Variants in PPARG observed in about 807,000 individuals in gnomAD.
PPARG encodes peroxisome proliferator-activated receptor gamma.
Under a neutral mutation model 39.2 loss-of-function variants are expected in PPARG, and 17 were observed. That is an observed-to-expected ratio of 0.43 (90% CI 0.30 to 0.65). The LOEUF is 0.65. PPARG is among the 30% of genes least tolerant of loss of function. The pLI, the probability that PPARG is intolerant of heterozygous loss-of-function variation, is 0.13. For missense variants in PPARG, 406 were observed against 585.9 expected, an observed-to-expected ratio of 0.69 and a Z score of 3.17; for synonymous variants, 223 against 215.7, an observed-to-expected ratio of 1.03 and a Z score of -0.30.
rs144859735 is a variant in PPARG at position 12,349,601 on chromosome 3, A to T, written c.-8-30103A>T. The stretch of plus-strand genomic sequence containing the variant: ...GTTTTTTGACACATCCGTCTTGTTC[A>T]TCATTGTCTACCTAGCACCTAGCTT... On this transcript the variant is annotated intron_variant, in intron 2 of 7. Transcript: ENST00000651735. 1.2e-4 allele frequency among the ~76,000 whole-genome samples: 18 copies of T among 152,286 alleles called. No individual in the cohort carries two copies. The East Asian group carries it at 3.3e-3, about 28-fold the overall frequency.
rs534706351 is a variant in PPARG, at chr3:12,413,592, T to C, written c.730-3112T>C. Among the ~76,000 whole-genome samples, 16 of 151,982 alleles carry C rather than the reference T, an allele frequency of 1.1e-4. No homozygotes were observed. In the East Asian group the frequency reaches 2.9e-3, roughly 28 times the overall value. ...GTGAGGCAGAGGTGGGTGGATCACCTGAGGCCAGGAGTTCAAGACCAGCCT... is the reference window on the plus strand; with the variant it reads ...GTGAGGCAGAGGTGGGTGGATCACCCGAGGCCAGGAGTTCAAGACCAGCCT... On this transcript the variant is annotated intron_variant, in intron 6 of 7. Coordinates refer to ENST00000651735, the MANE Select transcript of PPARG (RefSeq NM_138711.6).
intron 2 of PPARG, among the ~76,000 whole-genome samples, chr3:12,335,372 C>G (rs1404936783): frequency 6.6e-6 from 1 of 152,128 alleles, no homozygotes; most frequent in Non-Finnish European, 1.5e-5. Flanking sequence ...TCAAATCAAG[C>G]TTTATTTTAC....
intron 1 of PPARG, among the ~76,000 whole-genome samples, chr3:12,296,254 C>CAAA (rs545210244): frequency 0.054 from 2,634 of 48,586 alleles, 250 homozygotes; most frequent in East Asian, 0.37. Flanking sequence ...CACTTTGTCT[C>CAAA]AAAAAAAAAA....
Position 12,388,172 on chromosome 3 carries a change from A to G in PPARG, c.391-4442A>G, listed in dbSNP as rs371649463. 1.4e-4 allele frequency among the ~76,000 whole-genome samples: 21 copies of G among 152,304 alleles called. No individual in the cohort carries two copies. The East Asian group carries it at 3.7e-3, about 27-fold the overall frequency. On this transcript the variant is annotated intron_variant, in intron 4 of 7. Transcript: ENST00000651735. ...CATTCTGTTCATCTGTGAAAAAAAA[A>G]CTTTTTGATATCTGAAGGTCCTCAG...
At chr3:12,351,780 CAT>C (rs2048496397) in intron 2 of PPARG, 4 of 830,848 alleles carry the variant, frequency 4.8e-6, no homozygotes, top group Non-Finnish European at 8.4e-6. Flanking sequence ...TTAATACTAT[CAT>C]GTGTACACTC....
At chr3:12,406,152 A>C in intron 6 of PPARG, 71 bp downstream of exon 6, 1 of 1,408,816 alleles carries the variant, frequency 7.1e-7, no homozygotes. Flanking sequence ...CTTTGAGTAA[A>C]TGGTTTACTG....
intron 2 of PPARG, among the ~76,000 whole-genome samples, chr3:12,347,780 T>C (rs1178268978): frequency 6.6e-6 from 1 of 152,208 alleles, no homozygotes; most frequent in Non-Finnish European, 1.5e-5. Flanking sequence ...ACATGTGATA[T>C]GGATGTGCTG....
At chr3:12,369,465 CTGGGCCACAGAGAGAGACCT>C (rs1303808306) in intron 2 of PPARG, among the ~76,000 whole-genome samples, 1 of 152,048 alleles carries the variant, frequency 6.6e-6, no homozygotes, top group Non-Finnish European at 1.5e-5. Flanking sequence ...GCACGACAGC[CTGGGCCACAGAGAGAGACCT>C]TGTCTCAAAA....
At chr3:12,347,743 A>G (rs905108107) in intron 2 of PPARG, among the ~76,000 whole-genome samples, 3 of 152,160 alleles carry the variant, frequency 2.0e-5, no homozygotes, top group Admixed American at 1.3e-4. Context: ...TCAGTTCGTT[A>G]GGTCTCTAAA....
intron 7 of PPARG, among the ~76,000 whole-genome samples, chr3:12,428,337 G>A (rs758336598): frequency 3.9e-5 from 6 of 152,224 alleles, no homozygotes; most frequent in Non-Finnish European, 7.3e-5. Context: ...GGGGAGTAGG[G>A]AACTAGTAAT....
chr3:12,339,264 T>C (rs1309255769), intron 2 of PPARG, among the ~76,000 whole-genome samples: 7 of 152,152 alleles, frequency 4.6e-5, no homozygotes, highest in Non-Finnish European at 7.4e-5. Flanking sequence ...AGCAAATCTA[T>C]AGAGGCAGAA....
At chr3:12,418,883 C>T (rs1242126061) in intron 7 of PPARG, among the ~76,000 whole-genome samples, 1 of 152,116 alleles carries the variant, frequency 6.6e-6, no homozygotes, top group East Asian at 1.9e-4. Flanking sequence ...AGGGTCAAGT[C>T]GTGATTCACT....
intron 1 of PPARG, among the ~76,000 whole-genome samples, chr3:12,296,254 CAAAAAAAAAA>C (rs545210244): frequency 1.4e-4 from 7 of 48,628 alleles, no homozygotes; most frequent in Admixed American, 5.2e-4. Flanking sequence ...CACTTTGTCT[CAAAAAAAAAA>C]AAAAAAAAAA....
At chr3:12,370,729 G>A (rs1465517124) in intron 2 of PPARG, among the ~76,000 whole-genome samples, 1 of 152,114 alleles carries the variant, frequency 6.6e-6, no homozygotes, top group African/African-American at 2.4e-5. Flanking sequence ...GCTTAACCTA[G>A]CATTGCCTAA....
At chr3:12,371,379 A>C (rs923344923) in intron 2 of PPARG, among the ~76,000 whole-genome samples, 1 of 152,330 alleles carries the variant, frequency 6.6e-6, no homozygotes, top group African/African-American at 2.4e-5. Flanking sequence ...TGTACTTACT[A>C]TGTAAAAACA....
chr3:12,338,074 C>T (rs2048065540), intron 2 of PPARG, among the ~76,000 whole-genome samples: 1 of 152,172 alleles, frequency 6.6e-6, no homozygotes, highest in South Asian at 2.1e-4. Context: ...CTTCCCCATG[C>T]CAACTCTGTG....
chr3:12,348,252 A>G (rs959624589), intron 2 of PPARG, among the ~76,000 whole-genome samples: 4 of 152,186 alleles, frequency 2.6e-5, no homozygotes, highest in Non-Finnish European at 5.9e-5. Context: ...GATTTTATTA[A>G]CTATAGATTT....
At chr3:12,365,498 TTA>T (rs1044836373) in intron 2 of PPARG, among the ~76,000 whole-genome samples, 26 of 152,160 alleles carry the variant, frequency 1.7e-4, no homozygotes, top group African/African-American at 6.3e-4. Flanking sequence ...TCAGGGAGTT[TTA>T]TAGTTTTGTA....
At chr3:12,330,427 G>A (rs1033181945) in intron 2 of PPARG, among the ~76,000 whole-genome samples, 6 of 150,936 alleles carry the variant, frequency 4.0e-5, no homozygotes, top group African/African-American at 1.5e-4. Context: ...TTGGTCATTT[G>A]TATGGGTTCT....
Sources: allele counts gnomAD v4.1 joint callset (sites outside exome capture counted in the v4.1 genomes callset), GRCh38; gene constraint gnomAD v4.1.1; transcripts MANE v1.5; gene names NCBI Gene and HGNC (gene_info 2026-07-23, HGNC 2026-07-21).